The following GPC3 variants were observed in gnomAD, a reference collection of about 807,000 sequenced individuals.
GPC3 encodes glypican 3.
A neutral mutation model predicts 34.4 loss-of-function variants in GPC3; 3 were observed. That is an observed-to-expected ratio of 0.09 (90% CI 0.04 to 0.23). The LOEUF is 0.23. Ranked by LOEUF, GPC3 falls within the 10% of genes least tolerant of loss-of-function variation. The pLI, the probability that GPC3 is intolerant of heterozygous loss-of-function variation, is 1.00. For synonymous variants in GPC3, 177 were observed against 174.0 expected (o/e 1.02, Z -0.13); for missense variants, 351 against 445.6 (o/e 0.79, Z 1.91).
intron 2 of GPC3, among the ~76,000 whole-genome samples, chrX:133,931,926 C>T (rs753209502): frequency 9.0e-6 from 1 of 111,603 alleles, no homozygotes; most frequent in Admixed American, 9.5e-5. Flanking sequence ...GGAGGAGGCT[C>T]CCCTCCAAAA....
intron 2 of GPC3, among the ~76,000 whole-genome samples, chrX:133,827,297 CATT>C (rs1244068894): frequency 8.9e-6 from 1 of 112,203 alleles, no homozygotes; most frequent in Non-Finnish European, 1.9e-5. Flanking sequence ...AGGTAACAGT[CATT>C]ATATAGGTAA....
chrX:133,596,978 T>C (rs944695095), intron 6 of GPC3, among the ~76,000 whole-genome samples: 1 of 111,096 alleles, frequency 9.0e-6, no homozygotes, highest in Non-Finnish European at 1.9e-5. Flanking sequence ...AAAAGATCCC[T>C]ATGGAAGCCC....
chrX:133,564,404 C>T (rs1456676133), intron 7 of GPC3, among the ~76,000 whole-genome samples: 1 of 111,133 alleles, frequency 9.0e-6, no homozygotes, highest in Non-Finnish European at 1.9e-5. Flanking sequence ...AGGCTTGAAC[C>T]CCATTTCTGC....
chrX:133,579,389 T>G (rs1270573441), intron 7 of GPC3, among the ~76,000 whole-genome samples: 1 of 112,412 alleles, frequency 8.9e-6, no homozygotes, highest in Admixed American at 9.4e-5. Context: ...GCCAGGGCCA[T>G]GCAACAAACA....
chrX:133,942,568 A>T (rs1410537522), intron 2 of GPC3, among the ~76,000 whole-genome samples: 1 of 112,272 alleles, frequency 8.9e-6, no homozygotes, highest in Admixed American at 9.4e-5. Flanking sequence ...ATGAATAAAA[A>T]GTATGCAAGA....
intron 2 of GPC3, among the ~76,000 whole-genome samples, chrX:133,889,258 C>T (rs1179882278): frequency 8.9e-6 from 1 of 112,003 alleles, no homozygotes; most frequent in Non-Finnish European, 1.9e-5. Context: ...ATTAATTTTT[C>T]AGTAAAAGCC....
intron 3 of GPC3, among the ~76,000 whole-genome samples, chrX:133,728,303 A>T (rs2071430805): frequency 9.0e-6 from 1 of 111,373 alleles, no homozygotes; most frequent in Admixed American, 9.6e-5. Context: ...AGGACATTGC[A>T]ATCTGCTCTT....
chrX:133,857,499 T>C (rs1156273195), intron 2 of GPC3, among the ~76,000 whole-genome samples: 1 of 111,525 alleles, frequency 9.0e-6, no homozygotes, highest in East Asian at 2.8e-4. Flanking sequence ...AGTTCAGGAG[T>C]CCCTGCCAGA....
At chrX:133,577,195 A>C (rs892258898) in intron 7 of GPC3, among the ~76,000 whole-genome samples, 1 of 112,349 alleles carries the variant, frequency 8.9e-6, no homozygotes, top group African/African-American at 3.2e-5. Flanking sequence ...CACAGCCCAG[A>C]TAGCAAGAGA....
intron 2 of GPC3, among the ~76,000 whole-genome samples, chrX:133,949,060 T>A (rs2076381476): frequency 1.8e-5 from 2 of 112,094 alleles, no homozygotes; most frequent in African/African-American, 6.5e-5. Flanking sequence ...TTTATGCCCA[T>A]TTTGCAGATA....
chrX:133,683,080 C>T (rs1327031420), intron 5 of GPC3, among the ~76,000 whole-genome samples: 5 of 110,646 alleles, frequency 4.5e-5, no homozygotes, highest in Non-Finnish European at 7.6e-5. Context: ...TCACTGAAGA[C>T]CTCAGCCTGC....
chrX:133,631,129 C>T (rs2070361216), intron 6 of GPC3, among the ~76,000 whole-genome samples: 1 of 111,741 alleles, frequency 8.9e-6, no homozygotes, highest in Non-Finnish European at 1.9e-5. Context: ...CAAAAATATA[C>T]CATATTAACC....
chrX:133,614,060 G>A (rs760291967), intron 6 of GPC3, among the ~76,000 whole-genome samples: 7 of 110,822 alleles, frequency 6.3e-5, no homozygotes, highest in Admixed American at 3.8e-4. Flanking sequence ...GAGACAATTC[G>A]GTATGAGGAA....
intron 2 of GPC3, among the ~76,000 whole-genome samples, chrX:133,936,243 A>G (rs1487382143): frequency 9.4e-6 from 1 of 106,925 alleles, no homozygotes; most frequent in East Asian, 2.9e-4. Context: ...AATAAAGTGA[A>G]AAAAAAAAGA....
intron 7 of GPC3, among the ~76,000 whole-genome samples, chrX:133,538,193 C>T (rs1416506915): frequency 1.8e-5 from 2 of 112,136 alleles, no homozygotes; most frequent in African/African-American, 6.5e-5. Context: ...CAATGCTCTA[C>T]TTGGAAATTA....
At chrX:133,615,586 A>G (rs969313179) in intron 6 of GPC3, among the ~76,000 whole-genome samples, 1 of 109,558 alleles carries the variant, frequency 9.1e-6, no homozygotes. Context: ...GGGGAACATC[A>G]CACACTGGGG....
At chrX:133,717,187 C>T (rs919930600) in intron 3 of GPC3, among the ~76,000 whole-genome samples, 2 of 110,207 alleles carry the variant, frequency 1.8e-5, no homozygotes, top group African/African-American at 6.6e-5. Flanking sequence ...GTCTCAAACT[C>T]GTGGCATCAA....
At chrX:133,646,463 T>A (rs2070546457) in intron 6 of GPC3, among the ~76,000 whole-genome samples, 1 of 111,850 alleles carries the variant, frequency 8.9e-6, no homozygotes, top group Non-Finnish European at 1.9e-5. Context: ...AAGATTTTGA[T>A]CACTTCATTC....
At chrX:133,707,154 G>A (rs1302875042) in intron 3 of GPC3, among the ~76,000 whole-genome samples, 2 of 111,373 alleles carry the variant, frequency 1.8e-5, no homozygotes, top group Non-Finnish European at 3.8e-5. Flanking sequence ...GCTAAATGTT[G>A]AATACACTAA....
Sources: gnomAD v4.1 joint callset for allele counts (sites outside exome capture counted in the v4.1 genomes callset) on GRCh38, gnomAD v4.1.1 for gene constraint, MANE v1.5 for transcripts, NCBI Gene and HGNC (gene_info 2026-07-23, HGNC 2026-07-21) for gene names.